Variants in ASIC2 observed in about 807,000 individuals in gnomAD.
ASIC2 encodes acid sensing ion channel subunit 2, also known as acid-sensing ion channel 2.
In ASIC2, 25 loss-of-function variants were observed where a neutral mutation model predicts 57.3. The ratio of observed to expected loss-of-function variants is 0.44; its 90% CI spans 0.32 to 0.61. The LOEUF is 0.61. ASIC2 is among the 20% of genes least tolerant of loss of function. The probability of loss-of-function intolerance (pLI) is 0.06; values close to 1 mark genes in which losing one functional copy is unlikely to be tolerated. For synonymous variants in ASIC2, 319 were observed against 307.5 expected, an observed-to-expected ratio of 1.04 and a Z score of -0.39; for missense variants, 641 against 738.1, an observed-to-expected ratio of 0.87 and a Z score of 1.52.
intron 1 of ASIC2, among the ~76,000 whole-genome samples, chr17:33,686,108 C>G (rs967423697): frequency 1.3e-5 from 2 of 152,146 alleles, no homozygotes; most frequent in African/African-American, 4.8e-5. Context: ...GGAGGAAGAG[C>G]CTGGGCTGGA....
At chr17:33,933,729 G>A (rs2141973444) in intron 1 of ASIC2, among the ~76,000 whole-genome samples, 1 of 152,322 alleles carries the variant, frequency 6.6e-6, no homozygotes, top group Admixed American at 6.5e-5. Context: ...CAGATGTCAG[G>A]ATTAAAAGGA....
chr17:33,392,292 G>T (rs1282239724), intron 1 of ASIC2, among the ~76,000 whole-genome samples: 1 of 136,644 alleles, frequency 7.3e-6, no homozygotes, highest in Non-Finnish European at 1.5e-5. Context: ...ACAGAGTCTT[G>T]CTCTGTTACC....
chr17:33,535,799 T>C (rs1218382133), intron 1 of ASIC2, among the ~76,000 whole-genome samples: 1 of 152,152 alleles, frequency 6.6e-6, no homozygotes, highest in Non-Finnish European at 1.5e-5. Flanking sequence ...AGGAGGACAG[T>C]GTCCATCAGC....
chr17:33,528,644 A>T (rs988439891), intron 1 of ASIC2, among the ~76,000 whole-genome samples: 1 of 152,110 alleles, frequency 6.6e-6, no homozygotes, highest in African/African-American at 2.4e-5. Context: ...CATCCAACTC[A>T]AAAAGGGAAG....
At chr17:33,029,809 T>G (rs1395953142) in intron 3 of ASIC2, among the ~76,000 whole-genome samples, 2 of 152,266 alleles carry the variant, frequency 1.3e-5, no homozygotes, top group Admixed American at 6.5e-5. Context: ...TCGTCCACCT[T>G]TTTGATTTTA....
chr17:33,218,657 T>C (rs1007960647), intron 1 of ASIC2, among the ~76,000 whole-genome samples: 4 of 152,160 alleles, frequency 2.6e-5, no homozygotes, highest in East Asian at 1.9e-4. Flanking sequence ...GGAGCATGAC[T>C]CTATCCTATG....
chr17:33,546,523 T>C (rs1234152185), intron 1 of ASIC2, among the ~76,000 whole-genome samples: 2 of 152,172 alleles, frequency 1.3e-5, no homozygotes, highest in Non-Finnish European at 2.9e-5. Context: ...TGCAGCCCTG[T>C]CACTTTCTAC....
At chr17:33,891,934 A>G (rs528503207) in intron 1 of ASIC2, among the ~76,000 whole-genome samples, 2 of 152,016 alleles carry the variant, frequency 1.3e-5, no homozygotes, top group South Asian at 4.2e-4. Context: ...TTTCTGCTCT[A>G]TTTTTTCTTT....
At chr17:33,934,042 A>T (rs1265807643) in intron 1 of ASIC2, among the ~76,000 whole-genome samples, 1 of 152,164 alleles carries the variant, frequency 6.6e-6, no homozygotes, top group Non-Finnish European at 1.5e-5. Flanking sequence ...TTTTTCAGAC[A>T]CTTGTTCTAG....
At chr17:33,693,007 G>A (rs948226058) in intron 1 of ASIC2, among the ~76,000 whole-genome samples, 1 of 152,024 alleles carries the variant, frequency 6.6e-6, no homozygotes, top group East Asian at 1.9e-4. Context: ...ATTCTTTTTG[G>A]TGTAGGTTAT....
intron 1 of ASIC2, among the ~76,000 whole-genome samples, chr17:33,563,363 A>T (rs560782454): frequency 2.0e-5 from 3 of 152,190 alleles, no homozygotes; most frequent in Non-Finnish European, 4.4e-5. Flanking sequence ...GCCTAGAAAG[A>T]AGTGACTGCT....
At chr17:33,549,142 A>G in intron 1 of ASIC2, among the ~76,000 whole-genome samples, 1 of 152,302 alleles carries the variant, frequency 6.6e-6, no homozygotes, top group South Asian at 2.1e-4. Context: ...TGCCCGGGAC[A>G]TGGCAGGCAT....
chr17:33,352,287 A>G (rs953332972), intron 1 of ASIC2, among the ~76,000 whole-genome samples: 6 of 152,114 alleles, frequency 3.9e-5, no homozygotes, highest in African/African-American at 1.4e-4. Flanking sequence ...CATCTTGGTG[A>G]CTAGCCCTGT....
At chr17:33,540,020 A>T (rs1172881652) in intron 1 of ASIC2, among the ~76,000 whole-genome samples, 1 of 152,198 alleles carries the variant, frequency 6.6e-6, no homozygotes, top group Non-Finnish European at 1.5e-5. Context: ...GGCTGCCATA[A>T]CAAAGTACCC....
intron 1 of ASIC2, among the ~76,000 whole-genome samples, chr17:33,401,376 C>T (rs1481030536): frequency 6.6e-6 from 1 of 152,146 alleles, no homozygotes; most frequent in Non-Finnish European, 1.5e-5. Flanking sequence ...TGATCCCTTG[C>T]CATTGTAGTG....
chr17:33,082,550 T>C (rs1450571445), intron 3 of ASIC2, among the ~76,000 whole-genome samples: 1 of 151,794 alleles, frequency 6.6e-6, no homozygotes, highest in Non-Finnish European at 1.5e-5. Flanking sequence ...AATACAAAAA[T>C]TAGCCAGGCA....
At chr17:33,636,491 C>G (rs1443007018) in intron 1 of ASIC2, among the ~76,000 whole-genome samples, 1 of 152,150 alleles carries the variant, frequency 6.6e-6, no homozygotes, top group Non-Finnish European at 1.5e-5. Flanking sequence ...AGGACCCGCC[C>G]TGGCTGGTTT....
intron 3 of ASIC2, among the ~76,000 whole-genome samples, chr17:33,078,246 G>A (rs149360303): frequency 2.0e-5 from 3 of 152,196 alleles, no homozygotes; most frequent in African/African-American, 7.2e-5. Context: ...CTGAGTGGGT[G>A]CAGGAGCAGC....
intron 1 of ASIC2, among the ~76,000 whole-genome samples, chr17:33,708,565 C>T (rs1908930403): frequency 6.6e-6 from 1 of 152,168 alleles, no homozygotes; most frequent in African/African-American, 2.4e-5. Context: ...AAGATCTCCT[C>T]CTCTGAATTT....
Sources: gnomAD v4.1 joint callset for allele counts (sites outside exome capture counted in the v4.1 genomes callset) on GRCh38, gnomAD v4.1.1 for gene constraint, MANE v1.5 for transcripts, NCBI Gene and HGNC (gene_info 2026-07-23, HGNC 2026-07-21) for gene names.